PGPEP1L: variants seen among roughly 807,000 people sequenced by gnomAD.
PGPEP1L encodes the protein pyroglutamyl-peptidase I like, also known as pyroglutamyl-peptidase 1-like protein.
Under a neutral mutation model 6.0 loss-of-function variants are expected in PGPEP1L, and 7 were observed. The observed-to-expected ratio is 1.17, with a 90% CI of 0.66 to 2.19. PGPEP1L has a LOEUF of 2.19. Ranked by LOEUF, PGPEP1L falls within the 30% of genes most tolerant of loss-of-function variation. The pLI is 0.00. For missense variants in PGPEP1L, 209 were observed against 192.5 expected (o/e 1.09, Z -0.51); for synonymous variants, 103 against 83.9 (o/e 1.23, Z -1.24).
intron 2 of PGPEP1L, among the ~76,000 whole-genome samples, chr15:98,979,633 CTTTTTTTTTTTTTTTTTTTTTT>C (rs568793204): frequency 0.082 from 3,820 of 46,766 alleles, 262 homozygotes; most frequent in African/African-American, 0.21. Context: ...GGAGACTATT[CTTTTTTTTTTTTTTTTTTTTTT>C]TTTTTTTTTT....
At chr15:98,992,967 A>G (rs1224819559) in intron 2 of PGPEP1L, among the ~76,000 whole-genome samples, 2 of 152,174 alleles carry the variant, frequency 1.3e-5, no homozygotes, top group Non-Finnish European at 2.9e-5. Context: ...TAAAGACTTA[A>G]ACGTAAGAAA....
intron 2 of PGPEP1L, among the ~76,000 whole-genome samples, chr15:98,986,251 G>A (rs903438797): frequency 1.2e-4 from 18 of 152,212 alleles, no homozygotes; most frequent in Non-Finnish European, 1.9e-4. Context: ...CCCCTAAATA[G>A]CTTCAGGATG....
At chr15:99,002,178 A>AT in intron 2 of PGPEP1L, among the ~76,000 whole-genome samples, 1 of 151,916 alleles carries the variant, frequency 6.6e-6, no homozygotes, top group East Asian at 1.9e-4. Flanking sequence ...TGTCTGATTA[A>AT]TTTTTTGTAT....
chr15:98,995,789 C>A (rs1352240467), intron 2 of PGPEP1L, among the ~76,000 whole-genome samples: 1 of 152,100 alleles, frequency 6.6e-6, no homozygotes, highest in Non-Finnish European at 1.5e-5. Context: ...CCCAAAAAAC[C>A]CCATATTCAT....
rs184865313 is a variant in PGPEP1L, at chr15:98,981,319, C to T, written c.-141-10161G>A. Among the ~76,000 whole-genome samples the T allele has an allele frequency of 6.0e-3, 919 of 151,998 alleles. 36 individuals carry two copies. The highest frequency in any genetic ancestry group is 0.055 in the Admixed American group (842 of 15,248). Reference sequence around the variant, plus strand: ...CATCCTGGCTAACACAGTGAAACCCCGTCTCCACTAAAAATACAAAGTTAG... The same window carrying T: ...CATCCTGGCTAACACAGTGAAACCCTGTCTCCACTAAAAATACAAAGTTAG... On this transcript the variant is annotated intron_variant, in intron 2 of 4. Coordinates refer to ENST00000535714, the MANE Select transcript of PGPEP1L (RefSeq NM_001167902.2).
At chr15:99,003,163 G>T (rs1182128386) in intron 2 of PGPEP1L, among the ~76,000 whole-genome samples, 1 of 127,876 alleles carries the variant, frequency 7.8e-6, no homozygotes, top group African/African-American at 3.4e-5. Flanking sequence ...CTTGGAAACA[G>T]CCAGAAAAAA....
At chr15:98,991,649 A>C (rs1431681798) in intron 2 of PGPEP1L, among the ~76,000 whole-genome samples, 11 of 152,152 alleles carry the variant, frequency 7.2e-5, no homozygotes, top group African/African-American at 2.4e-4. Context: ...GACAAACAAC[A>C]AAAAAAGAGA....
chr15:98,989,138 C>T (rs555835132), intron 2 of PGPEP1L, among the ~76,000 whole-genome samples: 3 of 152,126 alleles, frequency 2.0e-5, no homozygotes, highest in African/African-American at 7.2e-5. Flanking sequence ...ATGAGTTTGA[C>T]GAATTGACAG....
In PGPEP1L at chr15:98,968,678, AG is replaced by A; in HGVS notation, c.228del (p.Tyr77IlefsTer33). The A allele has an allele frequency of 5.1e-6, 8 of 1,574,396 alleles. No homozygotes were observed. Among genetic ancestry groups the A allele is most frequent in the Non-Finnish European group, 6.9e-6 (8 of 1,159,520 alleles). ...RDAGRYVCDYTYYLSLHHGKG... is the reference protein window; with the variant it reads ...RDAGRYVCDYXYYLSLHHGKG... ...TTTCCATGATGCAGAGACAGGTAAT[AG>A]GTATAATCACAGACGTATCTGCAAC... is the stretch of plus-strand genomic sequence containing the variant. On this transcript the variant is annotated frameshift_variant, in exon 5 of 5. Transcript: ENST00000535714. LOFTEE classifies it low-confidence loss of function (END_TRUNC).
At chr15:98,991,957 T>C (rs1031837176) in intron 2 of PGPEP1L, among the ~76,000 whole-genome samples, 2 of 152,150 alleles carry the variant, frequency 1.3e-5, no homozygotes, top group Non-Finnish European at 2.9e-5. Context: ...TATCTCAAAA[T>C]ATTAAGAGCT....
chr15:98,977,840 T>C (rs140431742), intron 2 of PGPEP1L, among the ~76,000 whole-genome samples: 1,859 of 152,378 alleles, frequency 0.012, 33 homozygotes, highest in African/African-American at 0.042. Context: ...GCACGTATTT[T>C]ACAAGCACTG....
intron 2 of PGPEP1L, among the ~76,000 whole-genome samples, chr15:98,993,676 C>A (rs1423791430): frequency 3.8e-4 from 2 of 5,208 alleles, no homozygotes; most frequent in East Asian, 5.7e-3. Context: ...GCCTGTCAGG[C>A]GGTGGGGGGT....
intron 2 of PGPEP1L, among the ~76,000 whole-genome samples, chr15:98,994,063 C>T (rs1049629994): frequency 2.0e-5 from 3 of 151,058 alleles, no homozygotes; most frequent in African/African-American, 4.9e-5. Flanking sequence ...GTCAGGAGAT[C>T]GAGACCATCC....
chr15:99,002,615 CTG>C (rs1221161374), intron 2 of PGPEP1L, among the ~76,000 whole-genome samples: 1 of 151,764 alleles, frequency 6.6e-6, no homozygotes, highest in Non-Finnish European at 1.5e-5. Flanking sequence ...CAGGGAACCT[CTG>C]TACACTTCTT....
Position 98,971,031 on chromosome 15 carries a change from C to T in PGPEP1L, c.-19+5G>A. ...CATGCCCCACTGCCTCTGGCCATCACTTACTTGCGGCTGATGATCTTCCCA... is the reference window on the plus strand; with the variant it reads ...CATGCCCCACTGCCTCTGGCCATCATTTACTTGCGGCTGATGATCTTCCCA... On this transcript the variant is annotated splice_donor_5th_base_variant and intron_variant, in intron 3 of 4. Coordinates refer to ENST00000535714, the MANE Select transcript of PGPEP1L (RefSeq NM_001167902.2). The T allele has an allele frequency of 6.2e-7, 1 of 1,613,568 alleles. No individual in the cohort carries two copies. Among genetic ancestry groups the T allele is most frequent in the Non-Finnish European group, 8.5e-7 (1 of 1,179,612 alleles).
At chr15:99,003,218 GCAC>G (rs2018000608) in intron 2 of PGPEP1L, among the ~76,000 whole-genome samples, 1 of 118,358 alleles carries the variant, frequency 8.4e-6, no homozygotes, top group Admixed American at 8.2e-5. Flanking sequence ...AAAAAAAAAA[GCAC>G]TGAGAAGCCA....
At chr15:98,976,887 G>A (rs1392495004) in intron 2 of PGPEP1L, among the ~76,000 whole-genome samples, 1 of 151,810 alleles carries the variant, frequency 6.6e-6, no homozygotes, top group East Asian at 1.9e-4. Context: ...AACAAGAGGA[G>A]AAACAAGGAG....
At chr15:98,976,286 CCAA>C (rs2017568782) in intron 2 of PGPEP1L, among the ~76,000 whole-genome samples, 1 of 152,132 alleles carries the variant, frequency 6.6e-6, no homozygotes, top group East Asian at 1.9e-4. Flanking sequence ...TTCACCATCA[CCAA>C]CATTTTTTAA....
At chr15:99,002,059 T>C (rs971764912) in intron 2 of PGPEP1L, among the ~76,000 whole-genome samples, 3 of 152,182 alleles carry the variant, frequency 2.0e-5, no homozygotes, top group Admixed American at 1.3e-4. Flanking sequence ...TCATGCAGGC[T>C]GGAGTGTAGT....
Sources: allele counts gnomAD v4.1 joint callset (sites outside exome capture counted in the v4.1 genomes callset), GRCh38; gene constraint gnomAD v4.1.1; transcripts MANE v1.5; gene names NCBI Gene and HGNC (gene_info 2026-07-23, HGNC 2026-07-21).